Variants in WDR72 observed in about 807,000 individuals in gnomAD.
The protein encoded by WDR72 is WD repeat domain 72.
A neutral mutation model predicts 124.2 loss-of-function variants in WDR72; 120 were observed. The observed-to-expected ratio is 0.97, with a 90% CI of 0.83 to 1.12. The LOEUF (loss-of-function observed/expected upper bound fraction) is 1.12, where lower values mean the gene tolerates loss of function less well. WDR72 is among the 50% of genes most tolerant of loss of function. WDR72 has a pLI of 0.00. For synonymous variants in WDR72, 452 were observed against 441.7 expected (o/e 1.02, Z -0.29); for missense variants, 1,387 against 1,278.8 (o/e 1.08, Z -1.29).
At chr15:53,733,771 C>G (rs1567055245) in intron 1 of WDR72, among the ~76,000 whole-genome samples, 1 of 151,978 alleles carries the variant, frequency 6.6e-6, no homozygotes, top group Non-Finnish European at 1.5e-5. Context: ...TTACTACATT[C>G]ATATGTTAGT....
At chr15:53,753,297 T>C (rs140663933) in intron 1 of WDR72, among the ~76,000 whole-genome samples, 80 of 152,352 alleles carry the variant, frequency 5.3e-4, no homozygotes, top group Non-Finnish European at 1.0e-3. Context: ...TACAGGCCTA[T>C]ATGGACAAGG....
At chr15:53,688,747 G>A (rs1271046727) in intron 13 of WDR72, among the ~76,000 whole-genome samples, 12 of 152,008 alleles carry the variant, frequency 7.9e-5, no homozygotes, top group Middle Eastern at 3.4e-3. Context: ...AAAAGAGCCC[G>A]CATCGCCAAG....
At position 53,616,233 on chromosome 15, in the gene WDR72, G is replaced by T; in HGVS notation, c.1973C>A (p.Ala658Asp). 6.2e-7 allele frequency: 1 copy of T among 1,600,724 alleles called. No homozygotes were observed. The highest frequency in any genetic ancestry group is 1.1e-5 in the South Asian group (1 of 90,926). The change falls in exon 15 of 20, where the codon GCC becomes GAC. Residue 658 changes from alanine to aspartate, a missense_variant. By Grantham distance (126) the Ala-to-Asp change is moderately radical. Transcript: ENST00000360509. ...ATTAAAAGGTCTTGGGCAAAATTTGGCATCAGTAACCTAAGGGAACAAAAA... is the reference window on the plus strand; with the variant it reads ...ATTAAAAGGTCTTGGGCAAAATTTGTCATCAGTAACCTAAGGGAACAAAAA... ...QVESSCKVTD[A>D]KFCPRPFNVL... is the part of the protein sequence containing the mutation.
In WDR72 at chr15:53,654,035, A is replaced by G. The variant is rs77894833; in HGVS notation, c.1962+11537T>C. 1.7e-3 allele frequency among the ~76,000 whole-genome samples: 257 copies of G among 152,330 alleles called. 2 individuals are homozygous for G. Among genetic ancestry groups the G allele is most frequent in the African/African-American group, 5.7e-3 (238 of 41,590 alleles). ...AATTACCAGTGGATAGTAAAAATCA[A>G]TTAGAGTTCTTTCCCAAGTATCACT... On this transcript the variant is annotated intron_variant, in intron 14 of 19. Coordinates refer to ENST00000360509, the MANE Select transcript of WDR72 (RefSeq NM_182758.4).
chr15:53,669,029 A>AGG, intron 13 of WDR72, among the ~76,000 whole-genome samples: 1 of 113,696 alleles, frequency 8.8e-6, no homozygotes, highest in Non-Finnish European at 2.0e-5. Flanking sequence ...AGAAGAAGGG[A>AGG]GGAAGGGAAA....
chr15:53,645,083 A>G (rs2014994806), intron 14 of WDR72, among the ~76,000 whole-genome samples: 1 of 152,136 alleles, frequency 6.6e-6, no homozygotes, highest in South Asian at 2.1e-4. Flanking sequence ...TATTCTTGCT[A>G]TCACTACCAA....
At chr15:53,724,300 C>A (rs1342475539) in intron 2 of WDR72, among the ~76,000 whole-genome samples, 1 of 152,098 alleles carries the variant, frequency 6.6e-6, no homozygotes, top group Middle Eastern at 3.2e-3. Context: ...AGAGTTCTTG[C>A]CACACACACA....
chr15:53,703,804 A>AT (rs1039145281), intron 11 of WDR72, among the ~76,000 whole-genome samples: 43 of 152,258 alleles, frequency 2.8e-4, no homozygotes, highest in African/African-American at 9.9e-4. Context: ...ACATCAAATT[A>AT]TTATTATACT....
intron 12 of WDR72, among the ~76,000 whole-genome samples, chr15:53,700,345 T>C (rs756754994): frequency 1.3e-5 from 2 of 152,224 alleles, no homozygotes; most frequent in Non-Finnish European, 2.9e-5. Context: ...TATCATGAGC[T>C]GATATTTTCC....
intron 14 of WDR72, among the ~76,000 whole-genome samples, chr15:53,650,295 A>G (rs1340654576): frequency 2.6e-5 from 4 of 152,192 alleles, no homozygotes; most frequent in African/African-American, 4.8e-5. Context: ...TTATTAATCA[A>G]TGGGCATAAA....
intron 1 of WDR72, among the ~76,000 whole-genome samples, chr15:53,756,251 C>A (rs188516128): frequency 1.3e-5 from 2 of 152,296 alleles, no homozygotes; most frequent in Admixed American, 1.3e-4. Context: ...TCATAAGGGG[C>A]TTCCCCCTTT....
chr15:53,667,829 T>C (rs759844109), intron 13 of WDR72, among the ~76,000 whole-genome samples: 2 of 152,242 alleles, frequency 1.3e-5, no homozygotes, highest in African/African-American at 2.4e-5. Flanking sequence ...ATTTTATATA[T>C]GCACGTTTTA....
chr15:53,624,339 A>C (rs1400193069), intron 14 of WDR72, among the ~76,000 whole-genome samples: 1 of 152,250 alleles, frequency 6.6e-6, no homozygotes. Context: ...ATCTACTCAC[A>C]AACTATAGCT....
At chr15:53,709,997 G>A (rs143703361) in intron 9 of WDR72, among the ~76,000 whole-genome samples, 2 of 152,104 alleles carry the variant, frequency 1.3e-5, no homozygotes, top group African/African-American at 2.4e-5. Flanking sequence ...AAGTCCAAAG[G>A]CTCAGGGAAA....
intron 18 of WDR72, among the ~76,000 whole-genome samples, chr15:53,555,892 A>C (rs1462440246): frequency 6.6e-6 from 1 of 152,158 alleles, no homozygotes; most frequent in African/African-American, 2.4e-5. Flanking sequence ...TACAAAATAA[A>C]GAAAGACAAA....
Position 53,515,088 on chromosome 15 carries a change from C to CACACATATATATGTATGTAT in WDR72, c.*2610_*2611insATACATACATATATATGTGT, listed in dbSNP as rs1891387352. ...ATACACACATATATATGTATGTATA[C>CACACATATATATGTATGTAT]ACACACACACACACACACAAATACA... On this transcript the variant is annotated 3_prime_UTR_variant, in exon 20 of 20. Coordinates refer to ENST00000360509, the MANE Select transcript of WDR72 (RefSeq NM_182758.4). 3.5e-4 allele frequency: 7 copies of CACACATATATATGTATGTAT among 20,036 alleles called. No homozygotes were observed. Among genetic ancestry groups the CACACATATATATGTATGTAT allele is most frequent in the African/African-American group, 5.1e-4 (5 of 9,740 alleles). 1.2% of individuals were successfully genotyped at this position (20,036 alleles called of 1,614,324 possible).
chr15:53,581,887 G>A (rs935369276), intron 18 of WDR72, among the ~76,000 whole-genome samples: 1 of 151,854 alleles, frequency 6.6e-6, no homozygotes, highest in Non-Finnish European at 1.5e-5. Flanking sequence ...TAATAATTTT[G>A]AATTACTGCT....
intron 18 of WDR72, among the ~76,000 whole-genome samples, chr15:53,559,210 A>G (rs1290805516): frequency 1.3e-5 from 2 of 151,822 alleles, no homozygotes; most frequent in African/African-American, 4.8e-5. Context: ...TGCTACTGCC[A>G]TAGTAGCCTT....
chr15:53,705,382 T>G (rs986278624), intron 10 of WDR72, 149 bp from the exon 11 acceptor site: 15 of 716,980 alleles, frequency 2.1e-5, no homozygotes, highest in Non-Finnish European at 3.4e-5. Context: ...TCTTGGGAAG[T>G]TCAATTGATG....
Sources: gnomAD v4.1 joint callset for allele counts (sites outside exome capture counted in the v4.1 genomes callset) on GRCh38, gnomAD v4.1.1 for gene constraint, MANE v1.5 for transcripts, NCBI Gene and HGNC (gene_info 2026-07-23, HGNC 2026-07-21) for gene names.